GH1: variants seen among roughly 807,000 people sequenced by gnomAD.
GH1 encodes somatotropin.
In GH1, 13 loss-of-function variants were observed where a neutral mutation model predicts 24.5. That is an observed-to-expected ratio of 0.53 (90% CI 0.35 to 0.85). The LOEUF (loss-of-function observed/expected upper bound fraction) is 0.85, where lower values mean the gene tolerates loss of function less well. Ranked by LOEUF, GH1 falls within the 40% of genes least tolerant of loss-of-function variation. The pLI, the probability that GH1 is intolerant of heterozygous loss-of-function variation, is 0.01. For missense variants in GH1, 294 were observed against 273.2 expected (o/e 1.08, Z -0.54); for synonymous variants, 126 against 116.3 (o/e 1.08, Z -0.54).
chr17:63,918,299 A>C (rs1598395196), intron 2 of GH1, 47 bp downstream of exon 2: 1 of 1,612,622 alleles, frequency 6.2e-7, no homozygotes, highest in South Asian at 1.1e-5. Flanking sequence ...GGGGAAAGTC[A>C]CCCCTTCCTG....
In GH1 at chr17:63,918,431, G is replaced by T. The variant is rs1187600273; in HGVS notation, c.86C>A (p.Thr29Asn). 6.2e-7 allele frequency: 1 copy of T among 1,614,202 alleles called. No individual in the cohort carries two copies. Among genetic ancestry groups the T allele is most frequent in the Non-Finnish European group, 8.5e-7 (1 of 1,180,044 alleles). Reference sequence around the variant, plus strand: ...GTCAAAAAGCCTGGATAAGGGAATGGTTGGGAAGGCACTGCCCTCTTGAAG... The same window carrying T: ...GTCAAAAAGCCTGGATAAGGGAATGTTTGGGAAGGCACTGCCCTCTTGAAG... ...PWLQEGSAFP[T>N]IPLSRLFDNA... The change falls in exon 2 of 5, where the codon ACC (threonine) becomes AAC (asparagine). Residue 29 changes from threonine (T) to asparagine (N), a missense_variant. Thr to Asn is a moderately conservative substitution (Grantham distance 65). Transcript: ENST00000323322.
In GH1 at chr17:63,918,088, G is replaced by T. The variant is rs765345439; in HGVS notation, c.220C>A (p.Pro74Thr). Residue 74 changes from proline (P) to threonine (T), a missense_variant, in exon 3 of 5, where the codon CCC becomes ACC. Coordinates refer to ENST00000323322, the MANE Select transcript of GH1 (RefSeq NM_000515.5). ...KEQKYSFLQN[P>T]QTSLCFSESI... The stretch of plus-strand genomic sequence containing the variant: ...TCTGAGAAACAGAGGGAGGTCTGGG[G>T]GTTCTGCAGGAATGAATACTTCTGT... 6.2e-7 allele frequency: 1 copy of T among 1,614,160 alleles called. No individual in the cohort carries two copies. The highest frequency in any genetic ancestry group is 1.7e-5 in the Admixed American group (1 of 60,032).
chr17:63,917,287 C>A lies in GH1; in HGVS notation c.*22G>T, dbSNP rs1261740789. ...GCCAGGAGAGGCACTGGGGAGGGGT[C>A]ACAGGGATGCCACCCGGGCAGCTAG... On this transcript the variant is annotated 3_prime_UTR_variant, in exon 5 of 5. Coordinates refer to ENST00000323322, the MANE Select transcript of GH1 (RefSeq NM_000515.5). 3.1e-6 allele frequency: 5 copies of A among 1,613,850 alleles called. No homozygotes were observed. Among genetic ancestry groups the A allele is most frequent in the Non-Finnish European group, 4.2e-6 (5 of 1,179,914 alleles).
Position 63,917,886 on chromosome 17 carries a change from C to T in GH1, c.330G>A (p.Gln110=), listed in dbSNP as rs1394548733. The T allele has an allele frequency of 2.5e-6, 4 of 1,614,204 alleles. No individual in the cohort carries two copies. The South Asian group carries it at 4.4e-5, about 18-fold the overall frequency. Residue 110 remains glutamine, a synonymous_variant, in exon 4 of 5, where the codon CAG becomes CAA. Transcript: ENST00000323322. The part of the protein sequence containing the change: ...ELLRISLLLI[Q]SWLEPVQFLR... Reference sequence around the variant, plus strand: ...GGAACTGCACGGGCTCCAGCCACGACTGGATGAGCAGCAGGGAGATGCGGA... The same window carrying T: ...GGAACTGCACGGGCTCCAGCCACGATTGGATGAGCAGCAGGGAGATGCGGA...
rs151294724 is a variant in GH1 at position 63,918,469 on chromosome 17, G to T, written c.48C>A (p.Leu16=). 1 of 1,614,200 alleles carries T rather than the reference G, an allele frequency of 6.2e-7. No individual in the cohort carries two copies. The highest frequency in any genetic ancestry group is 8.5e-7 in the Non-Finnish European group (1 of 1,180,030). ...RTSLLLAFGL[L]CLPWLQEGSA... is the part of the protein sequence containing the mutation. ...TGCCCTCTTGAAGCCAGGGCAGGCA[G>T]AGCAGGCCAAAAGCCAGGAGCAGGG... Residue 16 remains leucine (L), a synonymous_variant, in exon 2 of 5, where the codon CTC becomes CTA. Transcript: ENST00000323322.
Position 63,917,834 on chromosome 17 carries a change from C to T in GH1, c.382G>A (p.Val128Met). 6.2e-7 allele frequency: 1 copy of T among 1,614,202 alleles called. No homozygotes were observed. Among genetic ancestry groups the T allele is most frequent in the South Asian group, 1.1e-5 (1 of 91,080 alleles). ...ACGTTGCTGTCAGAGGCGCCGTACACCAGGCTGTTGGCGAAGACACTCCTG... is the reference window on the plus strand; with the variant it reads ...ACGTTGCTGTCAGAGGCGCCGTACATCAGGCTGTTGGCGAAGACACTCCTG... ...FLRSVFANSL[V>M]YGASDSNVYD... Residue 128 changes from valine (V) to methionine (M), a missense_variant, in exon 4 of 5, where the codon GTG (valine) becomes ATG (methionine). Physicochemically the swap from Val to Met is conservative, Grantham distance 21 (BLOSUM62 1). Coordinates refer to ENST00000323322, the MANE Select transcript of GH1 (RefSeq NM_000515.5).
chr17:63,918,529 C>T (rs766859584), intron 1 of GH1, 23 bp from the exon 2 acceptor site: 11 of 1,613,484 alleles, frequency 6.8e-6, no homozygotes, highest in Middle Eastern at 1.8e-4. Flanking sequence ...CAGAGGGCAA[C>T]AGAGGGAGCC....
At chr17:63,917,626 A>G (rs1907416370) in intron 4 of GH1, 120 bp from the exon 5 acceptor site, 2 of 1,613,642 alleles carry the variant, frequency 1.2e-6, no homozygotes, top group East Asian at 4.5e-5. Context: ...AGGATTCACG[A>G]GGGGAAATGA....
rs1045467832 is a variant in GH1, at chr17:63,918,022, T to C, written c.286A>G (p.Lys96Glu). ...GGGAGAAGGCATCCACTCACGGATT[T>C]CTGTTGTGTTTCCTCCCTGTTGGAG... is the stretch of plus-strand genomic sequence containing the variant. The part of the protein sequence containing the change: ...TPSNREETQQ[K>E]SNLELLRISL... The change falls in exon 3 of 5, where the codon AAA becomes GAA. Residue 96 changes from lysine (K) to glutamate (E), a missense_variant. Transcript: ENST00000323322. 4 of 1,614,048 alleles carry C rather than the reference T, an allele frequency of 2.5e-6. No individual in the cohort carries two copies. Among genetic ancestry groups the C allele is most frequent in the African/African-American group, 1.3e-5 (1 of 74,896 alleles).
At chr17:63,917,969 G>A in intron 3 of GH1, 45 bp from the exon 4 acceptor site, 3 of 1,614,204 alleles carry the variant, frequency 1.9e-6, no homozygotes, top group Non-Finnish European at 2.5e-6. Flanking sequence ...CGGGGGCTCT[G>A]ACTACAGGTC....
Position 63,917,886 on chromosome 17 carries a change from C to A in GH1, c.330G>T (p.Gln110His). The A allele has an allele frequency of 6.2e-7, 1 of 1,614,204 alleles. No individual in the cohort carries two copies. The highest frequency in any genetic ancestry group is 2.2e-5 in the East Asian group (1 of 44,876). Residue 110 changes from glutamine (Q) to histidine (H), a missense_variant, in exon 4 of 5, where the codon CAG becomes CAT. By Grantham distance (24) the Gln-to-His change is conservative (BLOSUM62 0). Coordinates refer to ENST00000323322, the MANE Select transcript of GH1 (RefSeq NM_000515.5). ...ELLRISLLLI[Q>H]SWLEPVQFLR... ...GGAACTGCACGGGCTCCAGCCACGA[C>A]TGGATGAGCAGCAGGGAGATGCGGA...
Position 63,918,344 on chromosome 17 carries a change from A to G in GH1, c.171+2T>C. On this transcript the variant is annotated splice_donor_variant, in intron 2 of 4. Transcript: ENST00000323322. LOFTEE classifies it high-confidence loss of function. ...ATGCGCACCCATTCCCCAAGAGCTT[A>G]CAAACTCCTGGTAGGTGTCAAAGGC... 1 of 1,614,132 alleles carries G rather than the reference A, an allele frequency of 6.2e-7. No individual in the cohort carries two copies. Among genetic ancestry groups the G allele is most frequent in the Non-Finnish European group, 8.5e-7 (1 of 1,179,986 alleles).
At chr17:63,918,744 A>C (rs1907552715) in intron 1 of GH1, 23 bp downstream of exon 1, 2 of 1,613,878 alleles carry the variant, frequency 1.2e-6, no homozygotes, top group East Asian at 4.5e-5. Flanking sequence ...CATTGTGCCC[A>C]AAGGGATTTT....
intron 1 of GH1, 60 bp from the exon 2 acceptor site, chr17:63,918,566 T>A (rs1598395664): frequency 6.2e-7 from 1 of 1,612,240 alleles, no homozygotes; most frequent in Non-Finnish European, 8.5e-7. Context: ...GCACTCTCCC[T>A]GCTCCAGGAG....
chr17:63,917,741 C>T lies in GH1; in HGVS notation c.456+19G>A, dbSNP rs61735351. On this transcript the variant is annotated intron_variant, in intron 4 of 4. Coordinates refer to ENST00000323322, the MANE Select transcript of GH1 (RefSeq NM_000515.5). The stretch of plus-strand genomic sequence containing the variant: ...GTCAGTGGGGCTCCAGGATTGGGGA[C>T]CCCTGGCGCCACCCTCACCCCCATC... The T allele has an allele frequency of 1.4e-4, 229 of 1,614,040 alleles. No individual in the cohort carries two copies. Among genetic ancestry groups the T allele is most frequent in the Admixed American group, 3.8e-4 (23 of 60,008 alleles).
At chr17:63,917,541 G>C in intron 4 of GH1, 35 bp from the exon 5 acceptor site, 3 of 1,613,978 alleles carry the variant, frequency 1.9e-6, no homozygotes, top group Non-Finnish European at 2.5e-6. Flanking sequence ...GAGGCCAAGC[G>C]CTTGGGTACT....
At chr17:63,917,975 A>T (rs986174675) in intron 3 of GH1, 42 bp downstream of exon 3, 6 of 1,614,038 alleles carry the variant, frequency 3.7e-6, no homozygotes, top group Non-Finnish European at 5.1e-6. Context: ...CTCTGACTAC[A>T]GGTCTCCCCC....
In GH1 at chr17:63,917,208, C is replaced by G; in HGVS notation, c.*101G>C. 6.3e-7 allele frequency: 1 copy of G among 1,582,798 alleles called. No homozygotes were observed. Among genetic ancestry groups the G allele is most frequent in the South Asian group, 1.1e-5 (1 of 89,766 alleles). On this transcript the variant is annotated 3_prime_UTR_variant, in exon 5 of 5. Coordinates refer to ENST00000323322, the MANE Select transcript of GH1 (RefSeq NM_000515.5). ...GGACACCTAGTCAGACAAAATGATG[C>G]AACTTAATTTTATTAGGACAAGGCT...
At chr17:63,917,692 T>A (rs1482574982) in intron 4 of GH1, 68 bp downstream of exon 4, 1 of 1,614,010 alleles carries the variant, frequency 6.2e-7, no homozygotes, top group Non-Finnish European at 8.5e-7. Flanking sequence ...AGGGCAGCAG[T>A]GTTTCTCTAA....
Sources: allele counts gnomAD v4.1 joint callset, GRCh38; gene constraint gnomAD v4.1.1; transcripts MANE v1.5; gene names NCBI Gene and HGNC (gene_info 2026-07-23, HGNC 2026-07-21).